ANK2: variants seen among roughly 807,000 people sequenced by gnomAD.
The protein encoded by ANK2 is ankyrin 2, also known as ankyrin-2.
In ANK2, 83 loss-of-function variants were observed where a neutral mutation model predicts 360.5. The ratio of observed to expected loss-of-function variants is 0.23; its 90% CI spans 0.19 to 0.28. ANK2 has a LOEUF of 0.28. Among genes scored for constraint, ANK2 ranks in the 10% least tolerant of loss-of-function variants. The probability of loss-of-function intolerance (pLI) is 1.00; values close to 1 mark genes in which losing one functional copy is unlikely to be tolerated. For missense variants in ANK2, 4,201 were observed against 4,795.7 expected (o/e 0.88, Z 3.66); for synonymous variants, 1,740 against 1,759.5 (o/e 0.99, Z 0.28).
chr4:112,788,562 G>A, the ANK2 span: 1 of 1,587,154 alleles, frequency 6.3e-7, no homozygotes. Context: ...CTCTTGCTTT[G>A]TCTCTGGTCT....
In ANK2 at chr4:113,318,570, C is replaced by A. The variant is rs189563238; in HGVS notation, c.2850C>A (p.Gly950=). 307 of 1,613,754 alleles carry A rather than the reference C, an allele frequency of 1.9e-4. No homozygotes were observed. The East Asian group carries it at 6.7e-3, about 35-fold the overall frequency. The change falls in exon 26 of 46, where the codon GGC becomes GGA. Residue 950 remains glycine (G), a synonymous_variant. Transcript: ENST00000357077. ...GGAATTCTTATCGCCTAAGCTGGGGCACTGAGAACTTAGACAACGTGGCTC... is the reference window on the plus strand; with the variant it reads ...GGAATTCTTATCGCCTAAGCTGGGGAACTGAGAACTTAGACAACGTGGCTC... The part of the protein sequence containing the change: ...AERNSYRLSW[G]TENLDNVALS...
intron 2 of ANK2, among the ~76,000 whole-genome samples, chr4:113,021,528 A>ACCCCC (rs1203653406): frequency 1.3e-4 from 8 of 63,218 alleles, no homozygotes; most frequent in African/African-American, 4.4e-4. Flanking sequence ...ACACACACAC[A>ACCCCC]CCCACACACA....
At chr4:112,730,749 A>T in the ANK2 span, among the ~76,000 whole-genome samples, 56,446 of 150,716 alleles carry the variant, frequency 0.37, 11,838 homozygotes, top group Middle Eastern at 0.49. Flanking sequence ...ACAGTGGCTC[A>T]TGCCTGTAGA....
At chr4:113,056,857 T>G (rs1306880725) in intron 1 of ANK2, among the ~76,000 whole-genome samples, 1 of 152,236 alleles carries the variant, frequency 6.6e-6, no homozygotes, top group Non-Finnish European at 1.5e-5. Flanking sequence ...TTTTTATTCA[T>G]GTTTTTCTGT....
chr4:113,178,664 A>G (rs533039982), intron 2 of ANK2, among the ~76,000 whole-genome samples: 1 of 152,322 alleles, frequency 6.6e-6, no homozygotes, highest in African/African-American at 2.4e-5. Flanking sequence ...TATTAATTAA[A>G]TAAAGATTAG....
intron 2 of ANK2, among the ~76,000 whole-genome samples, chr4:113,039,693 T>C (rs1023837563): frequency 6.6e-6 from 1 of 151,980 alleles, no homozygotes; most frequent in Non-Finnish European, 1.5e-5. Flanking sequence ...TCAAAGTGCC[T>C]AACTGTATAT....
intron 2 of ANK2, among the ~76,000 whole-genome samples, chr4:112,924,552 A>G (rs1283937510): frequency 1.3e-5 from 2 of 152,026 alleles, no homozygotes; most frequent in African/African-American, 2.4e-5. Flanking sequence ...AATATTTAAT[A>G]ATAAGGAAAT....
intron 1 of ANK2, among the ~76,000 whole-genome samples, chr4:113,112,303 T>C (rs535092174): frequency 6.6e-6 from 1 of 152,292 alleles, no homozygotes; most frequent in South Asian, 2.1e-4. Flanking sequence ...AGAAGAGTTT[T>C]CACAACTAGC....
the ANK2 span, among the ~76,000 whole-genome samples, chr4:112,777,935 T>A: frequency 4.7e-5 from 7 of 149,834 alleles, 1 homozygote; most frequent in Admixed American, 4.0e-4. Flanking sequence ...AATCTTATAT[T>A]TGAGAAGTAA....
At chr4:113,158,987 T>G (rs1175005025) in intron 1 of ANK2, among the ~76,000 whole-genome samples, 1 of 152,120 alleles carries the variant, frequency 6.6e-6, no homozygotes, top group African/African-American at 2.4e-5. Context: ...TGTTGTCAGC[T>G]TTACATAAAA....
chr4:112,777,552 A>T, the ANK2 span, among the ~76,000 whole-genome samples: 1 of 149,038 alleles, frequency 6.7e-6, no homozygotes, highest in African/African-American at 2.5e-5. Context: ...GTAAATTTTT[A>T]AAAAGCCCTG....
chr4:112,854,008 A>T (rs2150008018), intron 1 of ANK2, among the ~76,000 whole-genome samples: 1 of 152,374 alleles, frequency 6.6e-6, no homozygotes, highest in East Asian at 1.9e-4. Context: ...TGTCCTCAGG[A>T]AGCCTAGATT....
At chr4:112,776,891 G>A in the ANK2 span, among the ~76,000 whole-genome samples, 1 of 152,162 alleles carries the variant, frequency 6.6e-6, no homozygotes, top group Admixed American at 6.6e-5. Context: ...GCTTTCGGTT[G>A]AGAGTCACCC....
the ANK2 span, among the ~76,000 whole-genome samples, chr4:112,787,185 G>T: frequency 6.6e-6 from 1 of 152,178 alleles, no homozygotes; most frequent in East Asian, 1.9e-4. Flanking sequence ...AGTAAGATTA[G>T]ATTAAAAATC....
At position 112,912,199 on chromosome 4, in the gene ANK2, A is replaced by G. The variant is rs114734263; in HGVS notation, c.21+7685A>G. 7.1e-3 allele frequency among the ~76,000 whole-genome samples: 1,084 copies of G among 151,750 alleles called. 12 individuals are homozygous for G. The highest frequency in any genetic ancestry group is 0.024 in the African/African-American group (985 of 41,424). On this transcript the variant is annotated intron_variant, in intron 2 of 30. Coordinates refer to the ANK2 transcript ENST00000503271. Reference sequence around the variant, plus strand: ...TTCAAAAAAAAAAAAAAAGAAACTGATGTGGCACTTTAGGGACGGCAAGTG... The same window carrying G: ...TTCAAAAAAAAAAAAAAAGAAACTGGTGTGGCACTTTAGGGACGGCAAGTG...
intron 1 of ANK2, among the ~76,000 whole-genome samples, chr4:113,166,895 T>G (rs1188139128): frequency 6.6e-6 from 1 of 152,154 alleles, no homozygotes; most frequent in Non-Finnish European, 1.5e-5. Flanking sequence ...AATTCATGTA[T>G]AATCAAAGAG....
At chr4:112,802,374 TG>T in the ANK2 span, among the ~76,000 whole-genome samples, 1 of 152,220 alleles carries the variant, frequency 6.6e-6, no homozygotes, top group Non-Finnish European at 1.5e-5. Context: ...GCATGCAGCT[TG>T]CTGCTTCTTG....
intron 38 of ANK2, among the ~76,000 whole-genome samples, chr4:113,360,569 A>G (rs190002133): frequency 6.5e-4 from 99 of 152,328 alleles, no homozygotes; most frequent in Admixed American, 1.6e-3. Context: ...ACTAGAAATC[A>G]GCAACTTATA....
intron 2 of ANK2, among the ~76,000 whole-genome samples, chr4:112,949,302 A>C (rs915842550): frequency 2.6e-4 from 39 of 152,270 alleles, no homozygotes; most frequent in South Asian, 1.9e-3. Context: ...ACACCAATAA[A>C]GCATTCTCTT....
Sources: allele counts gnomAD v4.1 joint callset (sites outside exome capture counted in the v4.1 genomes callset), GRCh38; gene constraint gnomAD v4.1.1; transcripts MANE v1.5; gene names NCBI Gene and HGNC (gene_info 2026-07-23, HGNC 2026-07-21).